RIPK2: variants seen among roughly 807,000 people sequenced by gnomAD.
RIPK2 encodes receptor interacting serine/threonine kinase 2.
Under a neutral mutation model 60.9 loss-of-function variants are expected in RIPK2, and 38 were observed. The observed-to-expected ratio is 0.62, with a 90% confidence interval of 0.48 to 0.82. The LOEUF is 0.82. Ranked by LOEUF, RIPK2 falls within the 40% of genes least tolerant of loss-of-function variation. The pLI is 0.00. For synonymous variants in RIPK2, 225 were observed against 223.4 expected, an observed-to-expected ratio of 1.01 and a Z score of -0.06; for missense variants, 518 against 647.0, an observed-to-expected ratio of 0.80 and a Z score of 2.16.
chr8:89,764,607 A>G (rs1809196610), intron 2 of RIPK2, among the ~76,000 whole-genome samples: 1 of 152,116 alleles, frequency 6.6e-6, no homozygotes, highest in Non-Finnish European at 1.5e-5. Context: ...TGTTCAGAAA[A>G]CATTTATTTT....
chr8:89,770,435 G>A (rs1036915194), intron 4 of RIPK2, among the ~76,000 whole-genome samples: 2 of 151,800 alleles, frequency 1.3e-5, no homozygotes, highest in African/African-American at 4.8e-5. Context: ...TATTTCAGAT[G>A]CATATTACTT....
chr8:89,782,477 A>T (rs1349912109), intron 7 of RIPK2, among the ~76,000 whole-genome samples: 1 of 152,178 alleles, frequency 6.6e-6, no homozygotes, highest in East Asian at 1.9e-4. Flanking sequence ...GTCAGGGACA[A>T]CAGTAGAACA....
intron 3 of RIPK2, among the ~76,000 whole-genome samples, chr8:89,767,243 G>A (rs997788662): frequency 3.3e-5 from 5 of 151,746 alleles, no homozygotes; most frequent in South Asian, 4.1e-4. Context: ...CTAACTGAGT[G>A]TAAATAAAAA....
In RIPK2 at chr8:89,784,141, T is replaced by TTTA; in HGVS notation, c.1029+2_1029+3insTTA. The TTTA allele has an allele frequency of 3.6e-6, 2 of 556,168 alleles. No individual in the cohort carries two copies. Among genetic ancestry groups the TTTA allele is most frequent in the Non-Finnish European group, 5.2e-6 (2 of 382,032 alleles). The allele number at this position is 556,168 out of a possible 1,614,324, so 34.5% of individuals were successfully genotyped here. On this transcript the variant is annotated splice_region_variant and intron_variant, in intron 8 of 10. Transcript: ENST00000220751. ...CCTGTAAATCATGGTCCACAAGAGG[T>TTTA]AAAAAAAAAAAAAAAAAAAAAAAGG...
intron 8 of RIPK2, among the ~76,000 whole-genome samples, chr8:89,785,939 G>A (rs772230647): frequency 2.6e-5 from 4 of 152,168 alleles, no homozygotes; most frequent in Admixed American, 2.0e-4. Context: ...CTGAGGTGCT[G>A]AGAACAGGCA....
chr8:89,775,438 C>G (rs1445612937), intron 6 of RIPK2, among the ~76,000 whole-genome samples: 1 of 150,110 alleles, frequency 6.7e-6, no homozygotes, highest in Non-Finnish European at 1.5e-5. Flanking sequence ...GCCTAGCTGA[C>G]AAAGCAAAAT....
chr8:89,785,362 C>A (rs956842235), intron 8 of RIPK2, among the ~76,000 whole-genome samples: 1 of 152,054 alleles, frequency 6.6e-6, no homozygotes, highest in Non-Finnish European at 1.5e-5. Flanking sequence ...GTAATCCCAG[C>A]TACTCGGGGG....
At position 89,789,308 on chromosome 8, in the gene RIPK2, T is replaced by A. The variant is rs1416021590; in HGVS notation, c.1124-13T>A. ...GAGTATTCTACTTCTAATGAAGATG[T>A]TGTATTTTGTAGGAAAAGCTCAAGA... On this transcript the variant is annotated splice_polypyrimidine_tract_variant and intron_variant, in intron 9 of 10. Coordinates refer to ENST00000220751, the MANE Select transcript of RIPK2 (RefSeq NM_003821.6). The A allele has an allele frequency of 6.2e-7, 1 of 1,611,014 alleles. No individual in the cohort carries two copies. The highest frequency in any genetic ancestry group is 1.7e-5 in the Admixed American group (1 of 59,788).
chr8:89,785,128 A>G (rs1809563963), intron 8 of RIPK2, among the ~76,000 whole-genome samples: 1 of 152,176 alleles, frequency 6.6e-6, no homozygotes, highest in Non-Finnish European at 1.5e-5. Flanking sequence ...GGGACAAACA[A>G]ACCATATCAA....
chr8:89,765,855 GT>G (rs1317347808), intron 3 of RIPK2, among the ~76,000 whole-genome samples: 3 of 151,340 alleles, frequency 2.0e-5, no homozygotes, highest in Non-Finnish European at 3.0e-5. Context: ...TTCCCACATT[GT>G]TATATCACAC....
chr8:89,763,867 C>CA (rs1240437636), intron 2 of RIPK2, among the ~76,000 whole-genome samples: 27 of 152,126 alleles, frequency 1.8e-4, no homozygotes, highest in Non-Finnish European at 2.9e-5. Flanking sequence ...ATAACTACCA[C>CA]AGAGCCAAGA....
At chr8:89,783,404 A>G (rs994481191) in intron 7 of RIPK2, among the ~76,000 whole-genome samples, 6 of 152,192 alleles carry the variant, frequency 3.9e-5, no homozygotes, top group Non-Finnish European at 2.9e-5. Context: ...TGCATATATT[A>G]CTTTTCATTT....
intron 9 of RIPK2, among the ~76,000 whole-genome samples, 195 bp from the exon 10 acceptor site, chr8:89,789,126 T>C (rs1162045369): frequency 6.6e-6 from 1 of 152,204 alleles, no homozygotes; most frequent in Admixed American, 6.5e-5. Flanking sequence ...GAAATTGTAG[T>C]GAAAGCATTC....
chr8:89,787,030 G>A (rs566938184), intron 9 of RIPK2, among the ~76,000 whole-genome samples: 1 of 152,036 alleles, frequency 6.6e-6, no homozygotes, highest in Non-Finnish European at 1.5e-5. Context: ...GCCAGGCATG[G>A]TGGTGGGCAC....
At chr8:89,770,069 G>GGGGA (rs1809288905) in intron 4 of RIPK2, 140 bp downstream of exon 4, 2 of 605,142 alleles carry the variant, frequency 3.3e-6, no homozygotes, top group Non-Finnish European at 5.3e-6. Flanking sequence ...GAGGCCCCAC[G>GGGGA]GTGATTAATA....
At chr8:89,764,819 T>G (rs1167035364) in intron 2 of RIPK2, among the ~76,000 whole-genome samples, 2 of 152,114 alleles carry the variant, frequency 1.3e-5, no homozygotes, top group African/African-American at 4.8e-5. Flanking sequence ...AGTCAATAAA[T>G]ACAATATGAT....
At chr8:89,769,693 G>T in intron 3 of RIPK2, 79 bp from the exon 4 acceptor site, 2 of 921,528 alleles carry the variant, frequency 2.2e-6, no homozygotes, top group Middle Eastern at 2.7e-4. Flanking sequence ...TCTAAATACA[G>T]TGAATATACA....
intron 9 of RIPK2, 80 bp downstream of exon 9, chr8:89,786,766 T>A (rs1809594572): frequency 1.2e-6 from 1 of 824,802 alleles, no homozygotes; most frequent in African/African-American, 1.8e-5. Context: ...GCAGTCATGA[T>A]TTCTATGGAA....
Position 89,789,470 on chromosome 8 carries a change from G to T in RIPK2, c.1273G>T (p.Ala425Ser), listed in dbSNP as rs1191383497. 3 of 1,613,012 alleles carry T rather than the reference G, an allele frequency of 1.9e-6. No homozygotes were observed. Among genetic ancestry groups the T allele is most frequent in the Non-Finnish European group, 2.5e-6 (3 of 1,179,780 alleles). ...AGCAATAATAAATCCACTCTCAACT[G>T]CAGGAAACTCAGGTAAATATTTACT... ...SSAIINPLST[A>S]GNSERLQPGI... Residue 425 changes from alanine (A) to serine (S), a missense_variant, in exon 10 of 11, where the codon GCA (alanine) becomes TCA (serine). Ala to Ser is a moderately conservative substitution (Grantham distance 99). Transcript: ENST00000220751.
Sources: allele counts gnomAD v4.1 joint callset (sites outside exome capture counted in the v4.1 genomes callset), GRCh38; gene constraint gnomAD v4.1.1; transcripts MANE v1.5; gene names NCBI Gene and HGNC (gene_info 2026-07-23, HGNC 2026-07-21).